The following ADGRG5 variants were observed in gnomAD, a reference collection of about 807,000 sequenced individuals.
ADGRG5 encodes the protein adhesion G protein-coupled receptor G5, also known as G protein-coupled receptor 114.
A neutral mutation model predicts 53.2 loss-of-function variants in ADGRG5; 37 were observed. The ratio of observed to expected loss-of-function variants is 0.70; its 90% confidence interval spans 0.53 to 0.91. The LOEUF is 0.91. ADGRG5 is among the 40% of genes least tolerant of loss of function. The pLI, the probability that ADGRG5 is intolerant of heterozygous loss-of-function variation, is 0.00. For missense variants in ADGRG5, 614 were observed against 675.8 expected (o/e 0.91, Z 1.01); for synonymous variants, 277 against 290.4 (o/e 0.95, Z 0.47).
At chr16:57,567,752 C>T (rs1481122954) in intron 8 of ADGRG5, 104 bp from the exon 9 acceptor site, 1 of 1,448,014 alleles carries the variant, frequency 6.9e-7, no homozygotes, top group Middle Eastern at 1.8e-4. Context: ...ATCCCTGCCC[C>T]TTCTTCGCCT....
At chr16:57,529,193 G>T in the ADGRG5 span, 7 of 1,176,616 alleles carry the variant, frequency 5.9e-6, no homozygotes, top group Non-Finnish European at 7.4e-6. The surrounding 1 kb of genome is among the most constrained non-coding windows in gnomAD (Gnocchi z 4.1). Flanking sequence ...GGCCGGGCGG[G>T]CCCTGAGCTC....
intron 11 of ADGRG5, 134 bp from the exon 12 acceptor site, chr16:57,575,304 C>A: frequency 1.0e-6 from 1 of 952,722 alleles, no homozygotes; most frequent in Non-Finnish European, 1.6e-6. Flanking sequence ...GGCTCTGCCC[C>A]TCTGGCCTCC....
At chr16:57,548,419 T>C (rs2146758301) in intron 1 of ADGRG5, among the ~76,000 whole-genome samples, 1 of 152,314 alleles carries the variant, frequency 6.6e-6, no homozygotes, top group East Asian at 1.9e-4. Context: ...TGTATTATAC[T>C]CACTCATTTA....
At chr16:57,558,113 T>C (rs2146783561) in intron 1 of ADGRG5, among the ~76,000 whole-genome samples, 1 of 152,306 alleles carries the variant, frequency 6.6e-6, no homozygotes, top group East Asian at 1.9e-4. Flanking sequence ...AATCTGTAGT[T>C]GATTTAGGTT....
chr16:57,553,414 C>T (rs2032799094), intron 1 of ADGRG5, among the ~76,000 whole-genome samples: 2 of 152,336 alleles, frequency 1.3e-5, no homozygotes, highest in Non-Finnish European at 1.5e-5. Flanking sequence ...ATTGTTCCAT[C>T]ACTAATTGTT....
At chr16:57,565,553 C>A (rs1472152960) in intron 6 of ADGRG5, 1 of 296,740 alleles carries the variant, frequency 3.4e-6, no homozygotes, top group Non-Finnish European at 6.2e-6. Context: ...GAGAGCCAGA[C>A]TTCCTTTCCC....
intron 2 of ADGRG5, 113 bp from the exon 3 acceptor site, chr16:57,562,271 G>A: frequency 7.1e-7 from 1 of 1,402,738 alleles, no homozygotes. Flanking sequence ...GGCTTCCTGG[G>A]GGCAGCAGGA....
the ADGRG5 span, among the ~76,000 whole-genome samples, chr16:57,530,145 G>A: frequency 6.6e-6 from 1 of 152,142 alleles, no homozygotes; most frequent in Non-Finnish European, 1.5e-5. Flanking sequence ...TGAGAGTGCA[G>A]CAGGATGTTC....
the ADGRG5 span, chr16:57,529,366 A>G: frequency 1.4e-6 from 1 of 716,600 alleles, no homozygotes; most frequent in Non-Finnish European, 1.8e-6. The surrounding 1 kb of genome is among the most constrained non-coding windows in gnomAD (Gnocchi z 4.1). Context: ...GACCACCGTC[A>G]GTCTCGAAGA....
At position 57,562,056 on chromosome 16, in the gene ADGRG5, G is replaced by T. The variant is rs1260923557; in HGVS notation, c.-38G>T. On this transcript the variant is annotated splice_region_variant and 5_prime_UTR_variant, in exon 2 of 12. Transcript: ENST00000349457. The stretch of plus-strand genomic sequence containing the variant: ...TGGTGATGGCATGCACCTTTTTCAG[G>T]GCCGGAGCCAGTTCTTGGAGGAGAC... 2.7e-6 allele frequency: 4 copies of T among 1,503,702 alleles called. No homozygotes were observed. The African/African-American group carries it at 4.2e-5, about 16-fold the overall frequency. 93.1% of individuals were successfully genotyped at this position (1,503,702 alleles called of 1,614,324 possible).
chr16:57,536,668 C>T, the ADGRG5 span: 14 of 152,242 alleles, frequency 9.2e-5, no homozygotes, highest in African/African-American at 3.1e-4. Flanking sequence ...CCGAAGCGGT[C>T]GCAGGCTGCG....
chr16:57,535,676 C>T, the ADGRG5 span, among the ~76,000 whole-genome samples: 3 of 148,428 alleles, frequency 2.0e-5, no homozygotes, highest in African/African-American at 7.4e-5. Context: ...ACTCTTCACT[C>T]TTGTACAGCA....
At chr16:57,567,359 G>A in intron 7 of ADGRG5, 111 bp from the exon 8 acceptor site, 2 of 1,266,214 alleles carry the variant, frequency 1.6e-6, no homozygotes, top group Non-Finnish European at 2.2e-6. Context: ...CCATGGCTAG[G>A]CTTGTGGGGA....
chr16:57,558,739 C>T (rs1329744405), intron 1 of ADGRG5, among the ~76,000 whole-genome samples: 1 of 152,068 alleles, frequency 6.6e-6, no homozygotes, highest in African/African-American at 2.4e-5. Flanking sequence ...AGTGAGATTC[C>T]TGTTCGTTTC....
chr16:57,562,192 G>T (rs763669863), intron 2 of ADGRG5, 35 bp downstream of exon 2: 20 of 1,566,274 alleles, frequency 1.3e-5, no homozygotes, highest in Non-Finnish European at 1.7e-5. Flanking sequence ...GGCAGCCCTA[G>T]CCCAGTCGTG....
At chr16:57,557,471 G>C (rs1315912719) in intron 1 of ADGRG5, among the ~76,000 whole-genome samples, 50 of 152,208 alleles carry the variant, frequency 3.3e-4, no homozygotes, top group Admixed American at 3.1e-3. Flanking sequence ...GTTTTGCAGA[G>C]CTTCTTGGAT....
intron 5 of ADGRG5, among the ~76,000 whole-genome samples, chr16:57,564,282 T>C (rs181413504): frequency 6.6e-6 from 1 of 152,096 alleles, no homozygotes; most frequent in Non-Finnish European, 1.5e-5. Flanking sequence ...GATAACTCTC[T>C]GTCTTGATGC....
At chr16:57,529,384 C>G in the ADGRG5 span, 1 of 496,588 alleles carries the variant, frequency 2.0e-6, no homozygotes, top group African/African-American at 2.1e-5. The surrounding 1 kb of genome is among the most constrained non-coding windows in gnomAD (Gnocchi z 4.1). Flanking sequence ...AGATCAGCCG[C>G]GCCAAGGCCC....
chr16:57,547,174 GT>G (rs1363736322), intron 1 of ADGRG5, among the ~76,000 whole-genome samples: 59 of 151,604 alleles, frequency 3.9e-4, no homozygotes, highest in African/African-American at 1.3e-3. Context: ...AAATATTTGT[GT>G]TTTTTTTGTT....
Sources: allele counts gnomAD v4.1 joint callset (sites outside exome capture counted in the v4.1 genomes callset), GRCh38; gene constraint gnomAD v4.1.1; non-coding constraint Gnocchi (gnomAD v3.1); transcripts MANE v1.5; gene names NCBI Gene and HGNC (gene_info 2026-07-23, HGNC 2026-07-21).